MTREX: variants seen among roughly 807,000 people sequenced by gnomAD.
MTREX encodes the protein Mtr4 exosome RNA helicase, also known as exosome RNA helicase MTR4.
In MTREX, 76 loss-of-function variants were observed where a neutral mutation model predicts 135.4. The ratio of observed to expected loss-of-function variants is 0.56; its 90% confidence interval spans 0.47 to 0.68. The LOEUF (loss-of-function observed/expected upper bound fraction) is 0.68, where lower values mean the gene tolerates loss of function less well. MTREX is among the 30% of genes least tolerant of loss of function. The pLI is 0.00. For missense variants in MTREX, 920 were observed against 1,262.1 expected (o/e 0.73, Z 4.11); for synonymous variants, 404 against 401.6 (o/e 1.01, Z -0.07).
chr5:55,393,377 T>C (rs1750599896), intron 19 of MTREX, among the ~76,000 whole-genome samples: 1 of 152,220 alleles, frequency 6.6e-6, no homozygotes, highest in Non-Finnish European at 1.5e-5. Context: ...AGTTTTTTAA[T>C]TGCAAATTAA....
intron 7 of MTREX, among the ~76,000 whole-genome samples, chr5:55,342,806 C>T (rs1435408585): frequency 6.6e-6 from 1 of 151,954 alleles, no homozygotes; most frequent in Admixed American, 6.6e-5. Context: ...ATCAGAAATC[C>T]TTTGTTGATT....
At position 55,366,885 on chromosome 5, in the gene MTREX, A is replaced by T; in HGVS notation, c.1810+10A>T. 1 of 1,589,924 alleles carries T rather than the reference A, an allele frequency of 6.3e-7. No individual in the cohort carries two copies. The highest frequency in any genetic ancestry group is 1.3e-5 in the African/African-American group (1 of 74,396). Reference sequence around the variant, plus strand: ...CCAGGAGTAGTAGAGAGTAAGTATAAAATACCATAACAGAGCTTAGTGTAG... The same window carrying T: ...CCAGGAGTAGTAGAGAGTAAGTATATAATACCATAACAGAGCTTAGTGTAG... On this transcript the variant is annotated intron_variant, in intron 16 of 26. Transcript: ENST00000230640.
chr5:55,390,210 C>G (rs764919018), intron 19 of MTREX, among the ~76,000 whole-genome samples: 16 of 152,104 alleles, frequency 1.1e-4, no homozygotes, highest in Admixed American at 2.6e-4. Flanking sequence ...CCAAGTGATT[C>G]TCCTGCCTCA....
At position 55,378,493 on chromosome 5, in the gene MTREX, C is replaced by A; in HGVS notation, c.1983+7C>A. Reference sequence around the variant, plus strand: ...ACCAGGTCGTTTGGTAAAGGTATGTCATTGTTTCTTCATAAAATACTTGAA... The same window carrying A: ...ACCAGGTCGTTTGGTAAAGGTATGTAATTGTTTCTTCATAAAATACTTGAA... On this transcript the variant is annotated splice_region_variant and intron_variant, in intron 17 of 26. Coordinates refer to ENST00000230640, the MANE Select transcript of MTREX (RefSeq NM_015360.5). 2 of 1,592,728 alleles carry A rather than the reference C, an allele frequency of 1.3e-6. No homozygotes were observed. The highest frequency in any genetic ancestry group is 2.4e-5 in the South Asian group (2 of 85,102).
At chr5:55,342,088 T>C (rs1424480196) in intron 7 of MTREX, among the ~76,000 whole-genome samples, 1 of 152,100 alleles carries the variant, frequency 6.6e-6, no homozygotes, top group Non-Finnish European at 1.5e-5. Context: ...ATTTATTTTA[T>C]TAGTAGAGAT....
intron 16 of MTREX, among the ~76,000 whole-genome samples, chr5:55,372,462 G>A (rs1219306701): frequency 2.7e-5 from 4 of 149,914 alleles, no homozygotes; most frequent in Non-Finnish European, 5.9e-5. Flanking sequence ...GAGCTATACT[G>A]TTAGCTAAGT....
chr5:55,381,761 A>T (rs914204304), intron 18 of MTREX, among the ~76,000 whole-genome samples: 5 of 152,146 alleles, frequency 3.3e-5, no homozygotes, highest in Non-Finnish European at 7.4e-5. Flanking sequence ...CTTTAGGTCT[A>T]GTTGGTTTAG....
chr5:55,419,318 G>A (rs1452424148), intron 25 of MTREX, among the ~76,000 whole-genome samples: 1 of 152,172 alleles, frequency 6.6e-6, no homozygotes, highest in African/African-American at 2.4e-5. Context: ...AAATAAAAGT[G>A]TCTGGTCATT....
intron 3 of MTREX, 165 bp downstream of exon 3, chr5:55,324,363 G>T: frequency 3.1e-6 from 1 of 325,738 alleles, no homozygotes. Context: ...ATTAAACTTG[G>T]GTTCAGATCC....
At chr5:55,424,205 A>G (rs578214098) in intron 26 of MTREX, 3 of 152,468 alleles carry the variant, frequency 2.0e-5, no homozygotes, top group South Asian at 2.1e-4. Flanking sequence ...CAATGGCGCA[A>G]TCTCGGCTCA....
intron 6 of MTREX, among the ~76,000 whole-genome samples, chr5:55,340,408 T>C (rs538401976): frequency 2.0e-5 from 3 of 152,348 alleles, no homozygotes; most frequent in Non-Finnish European, 4.4e-5. Flanking sequence ...ATACATTTTT[T>C]TCTTCAGGTA....
intron 14 of MTREX, chr5:55,356,421 G>A: frequency 4.8e-6 from 1 of 207,040 alleles, no homozygotes; most frequent in South Asian, 9.4e-5. Context: ...GGCATATTTG[G>A]TGCTCTGGCA....
intron 25 of MTREX, among the ~76,000 whole-genome samples, chr5:55,416,754 T>C (rs802838): frequency 0.86 from 130,842 of 152,172 alleles, 56,636 homozygotes; most frequent in South Asian, 0.92. Context: ...AAAAGATTGG[T>C]TTGTGTGTTT....
At chr5:55,385,320 G>A (rs1481453502) in intron 18 of MTREX, among the ~76,000 whole-genome samples, 1 of 152,146 alleles carries the variant, frequency 6.6e-6, no homozygotes, top group East Asian at 1.9e-4. Flanking sequence ...TTTCTCAGGA[G>A]CACCACACCA....
chr5:55,308,151 A>G lies in MTREX; in HGVS notation c.134+4A>G. 13 of 1,586,498 alleles carry G rather than the reference A, an allele frequency of 8.2e-6. No homozygotes were observed. Among genetic ancestry groups the G allele is most frequent in the Non-Finnish European group, 1.1e-5 (13 of 1,169,148 alleles). ...CAGGGTCTGCAGACAAGGCAGGGTA[A>G]GGAAGAAGTTCCAGTTGTTGCTTTT... On this transcript the variant is annotated splice_donor_region_variant and intron_variant, in intron 1 of 26. Transcript: ENST00000230640.
rs1245782138 is a variant in MTREX at position 55,341,666 on chromosome 5, T to A, written c.691-15T>A. 6.9e-7 allele frequency: 1 copy of A among 1,448,948 alleles called. No homozygotes were observed. The highest frequency in any genetic ancestry group is 1.2e-5 in the South Asian group (1 of 80,808). The allele number at this position is 1,448,948 out of a possible 1,614,324, so 89.8% of individuals were successfully genotyped here. On this transcript the variant is annotated splice_polypyrimidine_tract_variant and intron_variant, in intron 6 of 26. Transcript: ENST00000230640. ...TCAGAATCCAACTAAATACATTTTT[T>A]ACTTTTTTCTTTAGATTTTGAGAAG... is the stretch of plus-strand genomic sequence containing the variant.
At chr5:55,397,295 C>T (rs1339214459) in intron 19 of MTREX, 121 bp from the exon 20 acceptor site, 3 of 484,244 alleles carry the variant, frequency 6.2e-6, no homozygotes, top group African/African-American at 5.8e-5. Context: ...TTATTATGTA[C>T]TTCTTATACC....
At chr5:55,397,281 G>A in intron 19 of MTREX, 135 bp from the exon 20 acceptor site, 1 of 446,082 alleles carries the variant, frequency 2.2e-6, no homozygotes, top group Non-Finnish European at 4.0e-6. Flanking sequence ...ATGCTTCACG[G>A]TGATTATTAT....
intron 5 of MTREX, among the ~76,000 whole-genome samples, chr5:55,332,212 G>T (rs1223025504): frequency 6.6e-6 from 1 of 152,050 alleles, no homozygotes; most frequent in Admixed American, 6.6e-5. Context: ...GATGGAACTG[G>T]GCCATTCTAA....
Sources: gnomAD v4.1 joint callset for allele counts (sites outside exome capture counted in the v4.1 genomes callset) on GRCh38, gnomAD v4.1.1 for gene constraint, MANE v1.5 for transcripts, NCBI Gene and HGNC (gene_info 2026-07-23, HGNC 2026-07-21) for gene names.